The following HPR variants were observed in gnomAD, a reference collection of about 807,000 sequenced individuals.
HPR encodes the protein haptoglobin-related protein.
A neutral mutation model predicts 18.5 loss-of-function variants in HPR; 17 were observed. The observed-to-expected ratio is 0.92, with a 90% CI of 0.63 to 1.38. HPR has a LOEUF of 1.38. Ranked by LOEUF, HPR falls within the 40% of genes most tolerant of loss-of-function variation. HPR has a pLI of 0.00. For synonymous variants in HPR, 176 were observed against 165.0 expected (o/e 1.07, Z -0.51); for missense variants, 457 against 432.4 (o/e 1.06, Z -0.51).
At chr16:72,069,614 G>A (rs2041634188) in intron 1 of HPR, among the ~76,000 whole-genome samples, 1 of 152,160 alleles carries the variant, frequency 6.6e-6, no homozygotes, top group Admixed American at 6.5e-5. Context: ...AGGACACACT[G>A]GGGATCCCAA....
chr16:72,067,257 A>G (rs1191108528), intron 1 of HPR, among the ~76,000 whole-genome samples: 4 of 152,156 alleles, frequency 2.6e-5, no homozygotes, highest in African/African-American at 7.2e-5. Flanking sequence ...AGCTTATCAC[A>G]TTTTTGGTTG....
Position 72,076,802 on chromosome 16 carries a change from A to C in HPR, c.768A>C (p.Glu256Asp), listed in dbSNP as rs568292832. Reference sequence around the variant, plus strand: ...AATACGATTGCATAACGCATTATGAAGGCAGCACATGCCCCAAATGGAAGG... The same window carrying C: ...AATACGATTGCATAACGCATTATGACGGCAGCACATGCCCCAAATGGAAGG... ...ADQYDCITHY[E>D]GSTCPKWKAP... is the part of the protein sequence containing the mutation. The change falls in exon 5 of 5, where the codon GAA (glutamate) becomes GAC (aspartate). Residue 256 changes from glutamate (E) to aspartate (D), a missense_variant. Transcript: ENST00000540303. 6.2e-7 allele frequency: 1 copy of C among 1,614,256 alleles called. No individual in the cohort carries two copies. The highest frequency in any genetic ancestry group is 8.5e-7 in the Non-Finnish European group (1 of 1,180,050).
intron 1 of HPR, among the ~76,000 whole-genome samples, chr16:72,069,575 T>G (rs866711125): frequency 2.0e-5 from 3 of 152,254 alleles, no homozygotes; most frequent in Middle Eastern, 3.4e-3. Flanking sequence ...AAGCCCGTTA[T>G]GTGGAAGATC....
At chr16:72,069,134 A>G (rs2041628850) in intron 1 of HPR, among the ~76,000 whole-genome samples, 1 of 152,156 alleles carries the variant, frequency 6.6e-6, no homozygotes, top group Admixed American at 6.5e-5. Flanking sequence ...GCCAAGCCTT[A>G]AAGCACTTGC....
chr16:72,071,207 C>G lies in HPR; in HGVS notation c.6-2685C>G, dbSNP rs1018946559. Among the ~76,000 whole-genome samples, 54 of 152,298 alleles carry G rather than the reference C, an allele frequency of 3.5e-4. 1 individual carries two copies. Among genetic ancestry groups the G allele is most frequent in the African/African-American group, 1.1e-3 (45 of 41,568 alleles). ...CAGCGTCCTCCTCCCATCTCCAAAA[C>G]AACCCAACTAAAGTAACGGTTGTAA... On this transcript the variant is annotated intron_variant, in intron 1 of 4. Transcript: ENST00000540303.
In HPR at chr16:72,076,187, G is replaced by A. The variant is rs1226339292; in HGVS notation, c.269-116G>A. On this transcript the variant is annotated intron_variant, in intron 4 of 4. Coordinates refer to ENST00000540303, the MANE Select transcript of HPR (RefSeq NM_020995.4). ...GAGATCAGCAGGTGGTAAGGACAAA[G>A]CATTTAAATCTTTCCAGTTTATGCA... The A allele has an allele frequency of 2.6e-6, 4 of 1,543,002 alleles. No individual in the cohort carries two copies. In the East Asian group the frequency reaches 7.3e-5, roughly 28 times the overall value.
intron 1 of HPR, among the ~76,000 whole-genome samples, chr16:72,065,450 C>A (rs549785053): frequency 5.9e-5 from 9 of 152,142 alleles, no homozygotes; most frequent in Admixed American, 3.9e-4. Context: ...ATGGGAAATA[C>A]CCCAAGAAAG....
chr16:72,076,058 AG>A (rs1361739907), intron 4 of HPR, among the ~76,000 whole-genome samples: 1 of 152,162 alleles, frequency 6.6e-6, no homozygotes, highest in African/African-American at 2.4e-5. Flanking sequence ...TTCACCAGCC[AG>A]GCCTCAAAAA....
intron 1 of HPR, among the ~76,000 whole-genome samples, chr16:72,069,557 T>C (rs563825236): frequency 3.4e-4 from 51 of 152,142 alleles, no homozygotes; most frequent in African/African-American, 1.0e-3. Context: ...CAAAAGGAAA[T>C]GTTATCCAAG....
rs111400866 is a variant in HPR, at chr16:72,077,101, C to G, written c.*20C>G. 2,916 of 1,590,536 alleles carry G rather than the reference C, an allele frequency of 1.8e-3. 25 individuals are homozygous for G. Among genetic ancestry groups the G allele is most frequent in the African/African-American group, 0.013 (949 of 73,632 alleles). On this transcript the variant is annotated 3_prime_UTR_variant, in exon 5 of 5. Transcript: ENST00000540303. The stretch of plus-strand genomic sequence containing the variant: ...AACTAATGCAAGGCTGGCCGGAAGC[C>G]CTTGCCTGAAAGCAAGATTTCAGCC...
intron 1 of HPR, among the ~76,000 whole-genome samples, chr16:72,066,915 A>T (rs1444590165): frequency 6.6e-6 from 1 of 152,166 alleles, no homozygotes; most frequent in Admixed American, 6.5e-5. Context: ...AGGGAGCCAG[A>T]AACTATAAAA....
intron 1 of HPR, among the ~76,000 whole-genome samples, chr16:72,068,486 G>A (rs549707170): frequency 1.3e-5 from 2 of 152,284 alleles, no homozygotes; most frequent in East Asian, 1.9e-4. Flanking sequence ...ATCTCCTGTG[G>A]ACTTCTAAAG....
At chr16:72,071,409 T>C (rs559843182) in intron 1 of HPR, among the ~76,000 whole-genome samples, 1 of 152,330 alleles carries the variant, frequency 6.6e-6, no homozygotes, top group African/African-American at 2.4e-5. Context: ...GTCTTCTAAC[T>C]GACCGGGCAT....
At chr16:72,071,515 AG>A (rs1363996928) in intron 1 of HPR, among the ~76,000 whole-genome samples, 1 of 152,134 alleles carries the variant, frequency 6.6e-6, no homozygotes, top group African/African-American at 2.4e-5. Context: ...CAACACCCTG[AG>A]GGTCAGCCCC....
rs1281018578 is a variant in HPR, at chr16:72,077,181, T to C, written c.*100T>C. ...CAGGAGTGGATGCGATAAGATGTGGTTTGAAGCTGATGGGTGCCAGCCCTG... is the reference window on the plus strand; with the variant it reads ...CAGGAGTGGATGCGATAAGATGTGGCTTGAAGCTGATGGGTGCCAGCCCTG... On this transcript the variant is annotated 3_prime_UTR_variant, in exon 5 of 5. Coordinates refer to ENST00000540303, the MANE Select transcript of HPR (RefSeq NM_020995.4). 14 of 1,255,570 alleles carry C rather than the reference T, an allele frequency of 1.1e-5. No individual in the cohort carries two copies. Among genetic ancestry groups the C allele is most frequent in the Non-Finnish European group, 1.5e-5 (14 of 914,660 alleles). 77.8% of individuals were successfully genotyped at this position (1,255,570 alleles called of 1,614,324 possible).
intron 1 of HPR, 65 bp from the exon 2 acceptor site, chr16:72,073,827 G>T (rs775484852): frequency 5.6e-6 from 9 of 1,609,876 alleles, no homozygotes; most frequent in African/African-American, 5.3e-5. Context: ...TGTGTGTGTG[G>T]ATGCATGCAT....
In HPR at chr16:72,076,479, A is replaced by T; in HGVS notation, c.445A>T (p.Asn149Tyr). The T allele has an allele frequency of 6.2e-7, 1 of 1,614,146 alleles. No individual in the cohort carries two copies. Among genetic ancestry groups the T allele is most frequent in the Admixed American group, 1.7e-5 (1 of 60,020 alleles). ...LLTTAKNLFL[N>Y]HSENATAKDI... ...GACCACGGCTAAAAATCTCTTCCTG[A>T]ACCATTCAGAAAATGCAACAGCGAA... Residue 149 changes from asparagine to tyrosine, a missense_variant, in exon 5 of 5, where the codon AAC becomes TAC. Asn to Tyr is a moderately radical substitution (Grantham distance 143, BLOSUM62 -2). Transcript: ENST00000540303.
chr16:72,076,078 T>C (rs902318704), intron 4 of HPR, among the ~76,000 whole-genome samples: 5 of 152,220 alleles, frequency 3.3e-5, no homozygotes, highest in South Asian at 2.1e-4. Context: ...AAACTCAGTA[T>C]TTCTCATTTC....
rs201896057 is a variant in HPR at position 72,076,630 on chromosome 16, T to C, written c.596T>C (p.Leu199Pro). Residue 199 changes from leucine (L) to proline (P), a missense_variant, in exon 5 of 5, where the codon CTT becomes CCT. By Grantham distance (98) the Leu-to-Pro change is moderately conservative (BLOSUM62 -3). Transcript: ENST00000540303. ...IGLIKLKQKV[L>P]VNERVMPICL... Reference sequence around the variant, plus strand: ...CTCATCAAACTCAAACAGAAGGTGCTTGTTAATGAGAGAGTGATGCCCATC... The same window carrying C: ...CTCATCAAACTCAAACAGAAGGTGCCTGTTAATGAGAGAGTGATGCCCATC... 2.7e-4 allele frequency: 430 copies of C among 1,614,146 alleles called. 3 individuals carry two copies. The East Asian group carries it at 6.1e-3, about 23-fold the overall frequency.
Sources: gnomAD v4.1 joint callset for allele counts (sites outside exome capture counted in the v4.1 genomes callset) on GRCh38, gnomAD v4.1.1 for gene constraint, MANE v1.5 for transcripts, NCBI Gene and HGNC (gene_info 2026-07-23, HGNC 2026-07-21) for gene names.